Variants in GLYR1 observed in about 807,000 individuals in gnomAD.
GLYR1 encodes the protein cytokine-like nuclear factor N-PAC.
Under a neutral mutation model 72.7 loss-of-function variants are expected in GLYR1, and 21 were observed. The observed-to-expected ratio is 0.29, with a 90% CI of 0.20 to 0.42. The LOEUF (loss-of-function observed/expected upper bound fraction) is 0.42. Ranked by LOEUF, GLYR1 falls within the 10% of genes least tolerant of loss-of-function variation. GLYR1 has a pLI of 1.00. For synonymous variants in GLYR1, 392 were observed against 270.2 expected (o/e 1.45, Z -4.42); for missense variants, 594 against 712.1 (o/e 0.83, Z 1.89).
rs193114315 is a variant in GLYR1, at chr16:4,804,256, G to A, written c.*980C>T. On this transcript the variant is annotated 3_prime_UTR_variant, in exon 16 of 16. Coordinates refer to ENST00000321919, the MANE Select transcript of GLYR1 (RefSeq NM_032569.4). ...TGCAGGGGACTTGGCAGGGCAGGGT[G>A]GAGAAGGTGGGACCACTGGGAGGGG... 358 of 152,968 alleles carry A rather than the reference G, an allele frequency of 2.3e-3. 5 individuals carry two copies. The highest frequency in any genetic ancestry group is 3.7e-3 in the Non-Finnish European group (255 of 68,248). 9.5% of individuals were successfully genotyped at this position (152,968 alleles called of 1,614,324 possible). A position where few individuals can be genotyped will look rare whatever the true frequency, so the allele number is the denominator to read the frequency against.
intron 5 of GLYR1, among the ~76,000 whole-genome samples, chr16:4,827,226 G>C (rs773913523): frequency 5.3e-5 from 8 of 152,256 alleles, no homozygotes; most frequent in Non-Finnish European, 8.8e-5. Context: ...CTATGTGACT[G>C]CTCAGTGTTT....
rs776104460 is a variant in GLYR1, at chr16:4,832,187, C to T, written c.329G>A (p.Arg110Gln). ...SSHNSSDDKN[R>Q]RNSSEERSRP... ...ACTTCTCTCCTCACTGGAATTACGTCGATTCTTGTCATCAGAAGAATTGTG... is the reference window on the plus strand; with the variant it reads ...ACTTCTCTCCTCACTGGAATTACGTTGATTCTTGTCATCAGAAGAATTGTG... Residue 110 changes from arginine to glutamine, a missense_variant, in exon 5 of 16, where the codon CGA (arginine) becomes CAA (glutamine). Arg to Gln is a conservative substitution (Grantham distance 43, BLOSUM62 1). Transcript: ENST00000321919. The T allele has an allele frequency of 4.3e-6, 7 of 1,614,098 alleles. No individual in the cohort carries two copies. The highest frequency in any genetic ancestry group is 3.3e-5 in the South Asian group (3 of 91,062).
chr16:4,810,699 TAA>T (rs551202037), intron 15 of GLYR1, among the ~76,000 whole-genome samples: 161 of 21,772 alleles, frequency 7.4e-3, no homozygotes, highest in African/African-American at 0.04. Flanking sequence ...CTGTCTCTAC[TAA>T]AAAAAAAAAA....
intron 5 of GLYR1, 148 bp from the exon 6 acceptor site, chr16:4,824,055 C>G: frequency 3.3e-6 from 2 of 598,874 alleles, no homozygotes; most frequent in South Asian, 4.1e-5. Context: ...CAGTTCTTCC[C>G]ATTAACACAA....
Position 4,821,443 on chromosome 16 carries a change from G to A in GLYR1, c.743C>T (p.Ser248Phe). The change falls in exon 9 of 16, where the codon TCC becomes TTC. Residue 248 changes from serine (S) to phenylalanine (F), a missense_variant. Ser to Phe is a radical substitution (Grantham distance 155, BLOSUM62 -2). Around this residue, in one of 5 missense-constraint regions of GLYR1, gnomAD observed 252 missense variants for 211.3 expected, o/e 1.19. Transcript: ENST00000321919. Reference sequence around the variant, plus strand: ...GCTGTCAGCTGCCTGGATGGAGGTGGAGCCAGTTTCCTACGGACAGGAAGC... The same window carrying A: ...GCTGTCAGCTGCCTGGATGGAGGTGAAGCCAGTTTCCTACGGACAGGAAGC... ...KLKICEEETGSTSIQAADSTA... is the reference protein window; with the variant it reads ...KLKICEEETGFTSIQAADSTA... 1.2e-6 allele frequency: 2 copies of A among 1,614,010 alleles called. No individual in the cohort carries two copies. The highest frequency in any genetic ancestry group is 1.7e-6 in the Non-Finnish European group (2 of 1,180,060).
intron 6 of GLYR1, among the ~76,000 whole-genome samples, chr16:4,823,166 T>C (rs953109069): frequency 1.3e-5 from 2 of 152,226 alleles, no homozygotes; most frequent in African/African-American, 4.8e-5. Flanking sequence ...TTCTGCTAGG[T>C]TGGTACACAA....
At position 4,832,111 on chromosome 16, in the gene GLYR1, C is replaced by G; in HGVS notation, c.405G>C (p.Lys135Asn). ...TTCCTTCTCCCATGTTCTTCTTCAC[C>G]TTCCCTTCAGACAGGCTAAGTTTGC... Reference protein sequence around the residue: ...EKRKLSLSEGKVKKNMGEGKK... With the variant: ...EKRKLSLSEGNVKKNMGEGKK... Residue 135 changes from lysine (K) to asparagine (N), a missense_variant, in exon 5 of 16, where the codon AAG (lysine) becomes AAC (asparagine). By Grantham distance (94) the Lys-to-Asn change is moderately conservative. Transcript: ENST00000321919. The G allele has an allele frequency of 2.5e-6, 4 of 1,614,194 alleles. No individual in the cohort carries two copies. The highest frequency in any genetic ancestry group is 3.4e-6 in the Non-Finnish European group (4 of 1,180,034).
At chr16:4,810,819 G>C (rs1176245326) in intron 15 of GLYR1, among the ~76,000 whole-genome samples, 4 of 147,164 alleles carry the variant, frequency 2.7e-5, no homozygotes, top group Admixed American at 2.0e-4. Context: ...AAAAGAAACT[G>C]AATGGCTGGG....
At chr16:4,805,537 G>C (rs1739174133) in intron 15 of GLYR1, among the ~76,000 whole-genome samples, 1 of 152,226 alleles carries the variant, frequency 6.6e-6, no homozygotes, top group Admixed American at 6.5e-5. Flanking sequence ...GATCTTGTGA[G>C]AATGAAATAC....
At chr16:4,839,198 C>A in intron 3 of GLYR1, 1 of 152,492 alleles carries the variant, frequency 6.6e-6, no homozygotes, top group Non-Finnish European at 1.5e-5. Flanking sequence ...CACACACAAA[C>A]ACACACACAA....
chr16:4,810,648 G>C (rs1237195035), intron 15 of GLYR1, among the ~76,000 whole-genome samples: 5 of 137,220 alleles, frequency 3.6e-5, no homozygotes, highest in Admixed American at 3.2e-4. Context: ...CAGATCACGA[G>C]GTCAGGAGAT....
chr16:4,811,714 C>G lies in GLYR1; in HGVS notation c.1371G>C (p.Leu457=). Residue 457 remains leucine, a synonymous_variant, in exon 14 of 16, where the codon CTG becomes CTC. Coordinates refer to ENST00000321919, the MANE Select transcript of GLYR1 (RefSeq NM_032569.4). Reference sequence around the variant, plus strand: ...GCTGGGACTGGCCTGTCACCTGGGCCAGGGTCAGCCCCTCGGCAATAGTGG... The same window carrying G: ...GCTGGGACTGGCCTGTCACCTGGGCGAGGGTCAGCCCCTCGGCAATAGTGG... The part of the protein sequence containing the change: ...FMATIAEGLT[L]AQVTGQSQQT... The G allele has an allele frequency of 1.2e-6, 2 of 1,614,210 alleles. No homozygotes were observed. Among genetic ancestry groups the G allele is most frequent in the Non-Finnish European group, 1.7e-6 (2 of 1,180,020 alleles).
At chr16:4,832,321 T>A in intron 4 of GLYR1, 100 bp from the exon 5 acceptor site, 4 of 1,402,818 alleles carry the variant, frequency 2.9e-6, no homozygotes, top group Non-Finnish European at 3.9e-6. Context: ...GCACTCTGTG[T>A]GGTCTCCTCA....
intron 10 of GLYR1, among the ~76,000 whole-genome samples, chr16:4,815,193 C>A (rs1365690458): frequency 6.6e-6 from 1 of 151,922 alleles, no homozygotes; most frequent in Non-Finnish European, 1.5e-5. Context: ...GCAGCCTCAA[C>A]CTCCTGGACT....
intron 15 of GLYR1, 120 bp downstream of exon 15, chr16:4,811,050 A>G: frequency 7.9e-7 from 1 of 1,265,114 alleles, no homozygotes; most frequent in Non-Finnish European, 1.1e-6. Context: ...GGTTGCATTG[A>G]GCTGAGATCG....
At chr16:4,845,260 A>G in intron 2 of GLYR1, 107 bp from the exon 3 acceptor site, 1 of 723,114 alleles carries the variant, frequency 1.4e-6, no homozygotes, top group East Asian at 2.5e-5. Context: ...AAAGTAAATT[A>G]AAAGGACTTA....
intron 11 of GLYR1, 193 bp from the exon 12 acceptor site, chr16:4,814,031 G>GA (rs2083475384): frequency 2.3e-6 from 1 of 438,374 alleles, no homozygotes; most frequent in African/African-American, 2.1e-5. Context: ...TCTTTAAAAA[G>GA]AATCTATGTG....
At chr16:4,821,481 G>A (rs753441996) in intron 8 of GLYR1, 28 bp from the exon 9 acceptor site, 6 of 1,614,096 alleles carry the variant, frequency 3.7e-6, no homozygotes, top group Non-Finnish European at 5.1e-6. Flanking sequence ...ACATCATCAA[G>A]TCAGTCTGCC....
At chr16:4,805,674 C>T (rs2082925171) in intron 15 of GLYR1, among the ~76,000 whole-genome samples, 1 of 152,134 alleles carries the variant, frequency 6.6e-6, no homozygotes, top group Admixed American at 6.6e-5. Flanking sequence ...AACCTCATCT[C>T]TACTAAAAAT....
Sources: gnomAD v4.1 joint callset for allele counts (sites outside exome capture counted in the v4.1 genomes callset) on GRCh38, gnomAD v4.1.1 for gene constraint, gnomAD v4.1.1 regional missense constraint, MANE v1.5 for transcripts, NCBI Gene and HGNC (gene_info 2026-07-23, HGNC 2026-07-21) for gene names.